The following PIP5K1C variants were observed in gnomAD, a reference collection of about 807,000 sequenced individuals.
PIP5K1C encodes phosphatidylinositol 4-phosphate 5-kinase type-1 gamma.
Under a neutral mutation model 80.1 loss-of-function variants are expected in PIP5K1C, and 45 were observed. The ratio of observed to expected loss-of-function variants is 0.56; its 90% CI spans 0.44 to 0.72. The LOEUF (loss-of-function observed/expected upper bound fraction) is 0.72. Ranked by LOEUF, PIP5K1C falls within the 30% of genes least tolerant of loss-of-function variation. PIP5K1C has a pLI of 0.00. For synonymous variants in PIP5K1C, 498 were observed against 420.1 expected, an observed-to-expected ratio of 1.19 and a Z score of -2.27; for missense variants, 753 against 954.6, an observed-to-expected ratio of 0.79 and a Z score of 2.78.
Position 3,656,637 on chromosome 19 carries a change from C to T in PIP5K1C, c.469-80G>A, listed in dbSNP as rs200153106. On this transcript the variant is annotated intron_variant, in intron 5 of 17. Transcript: ENST00000335312. ...CACTGGCTTCCGGTCTGCCCAACAG[C>T]CCCAGGAACTGATGACGGGTCGCTG... 1.1e-4 allele frequency: 166 copies of T among 1,505,180 alleles called. No individual in the cohort carries two copies. In the East Asian group the frequency reaches 3.4e-3, roughly 31 times the overall value. The allele number at this position is 1,505,180 out of a possible 1,614,324, so 93.2% of individuals were successfully genotyped here.
chr19:3,649,056 C>T (rs971487042), intron 8 of PIP5K1C, among the ~76,000 whole-genome samples: 3 of 149,756 alleles, frequency 2.0e-5, no homozygotes, highest in South Asian at 2.1e-4. Context: ...AATTGTCACC[C>T]GGCACCATGC....
chr19:3,658,148 C>CTGCCCGAGG (rs1475549655), intron 5 of PIP5K1C, among the ~76,000 whole-genome samples: 1 of 152,256 alleles, frequency 6.6e-6, no homozygotes, highest in Non-Finnish European at 1.5e-5. Context: ...CCGCCCTGCA[C>CTGCCCGAGG]TGCCCGAGGT....
chr19:3,633,152 G>C lies in PIP5K1C; in HGVS notation c.*15C>G. On this transcript the variant is annotated 3_prime_UTR_variant, in exon 18 of 18. Transcript: ENST00000335312. ...AGAAGTGGAGCTCGGCTCTGGGTCGGGGGCTGCATAGAAATTACTGCAAGA... is the reference window on the plus strand; with the variant it reads ...AGAAGTGGAGCTCGGCTCTGGGTCGCGGGCTGCATAGAAATTACTGCAAGA... The C allele has an allele frequency of 1.3e-6, 1 of 765,360 alleles. No individual in the cohort carries two copies. Among genetic ancestry groups the C allele is most frequent in the Admixed American group, 1.8e-5 (1 of 56,678 alleles). The allele number at this position is 765,360 out of a possible 1,614,324, so 47.4% of individuals were successfully genotyped here.
At chr19:3,682,190 A>G (rs1457173583) in intron 1 of PIP5K1C, among the ~76,000 whole-genome samples, 1 of 151,908 alleles carries the variant, frequency 6.6e-6, no homozygotes, top group Non-Finnish European at 1.5e-5. Context: ...TCTGGCCAAC[A>G]TGGTGAGGCC....
intron 1 of PIP5K1C, among the ~76,000 whole-genome samples, chr19:3,693,530 C>T (rs955338316): frequency 2.0e-5 from 3 of 152,168 alleles, no homozygotes; most frequent in African/African-American, 4.8e-5. Flanking sequence ...GGGTCTTGAC[C>T]GGCCTGGTCC....
chr19:3,654,412 G>A (rs865966253), intron 6 of PIP5K1C, among the ~76,000 whole-genome samples: 4 of 152,228 alleles, frequency 2.6e-5, no homozygotes, highest in Admixed American at 1.3e-4. Flanking sequence ...TGAGGGGCGC[G>A]GACTCAGGCA....
At position 3,631,304 on chromosome 19, in the gene PIP5K1C, CTT is replaced by C. The variant is rs2033462364; in HGVS notation, c.*1861_*1862del. ...CTGGTGTGGCCTCTGGGGGTTGGGC[CTT>C]TGAGATGACAATGCCCCTGTCCCTG... On this transcript the variant is annotated 3_prime_UTR_variant, in exon 18 of 18. Transcript: ENST00000335312. 2.6e-5 allele frequency: 4 copies of C among 152,336 alleles called. No individual in the cohort carries two copies. Among genetic ancestry groups the C allele is most frequent in the Non-Finnish European group, 5.9e-5 (4 of 68,138 alleles). 9.4% of individuals were successfully genotyped at this position (152,336 alleles called of 1,614,324 possible). A position where few individuals can be genotyped will look rare whatever the true frequency, so the allele number is the denominator to read the frequency against.
At chr19:3,697,534 A>C (rs2145632873) in intron 1 of PIP5K1C, among the ~76,000 whole-genome samples, 2 of 152,280 alleles carry the variant, frequency 1.3e-5, no homozygotes, top group South Asian at 4.1e-4. Context: ...GGGAGGACCA[A>C]GCTGGACCCG....
At chr19:3,636,628 C>T in intron 16 of PIP5K1C, 1 of 985,746 alleles carries the variant, frequency 1.0e-6, no homozygotes, top group African/African-American at 1.7e-5. Flanking sequence ...CGGTGGCTGG[C>T]TTCCCGCTGG....
intron 7 of PIP5K1C, among the ~76,000 whole-genome samples, 200 bp downstream of exon 7, chr19:3,653,090 A>G (rs1286778871): frequency 2.0e-5 from 3 of 152,218 alleles, no homozygotes; most frequent in Non-Finnish European, 4.4e-5. Context: ...GGCGTGAGCC[A>G]CTGTGTCCGG....
At chr19:3,658,910 C>T (rs910917717) in intron 5 of PIP5K1C, among the ~76,000 whole-genome samples, 1 of 152,212 alleles carries the variant, frequency 6.6e-6, no homozygotes, top group Non-Finnish European at 1.5e-5. Context: ...GACAACCCCC[C>T]ACAGCCTCCT....
chr19:3,657,024 C>G (rs2034656898), intron 5 of PIP5K1C, among the ~76,000 whole-genome samples: 1 of 152,194 alleles, frequency 6.6e-6, no homozygotes, highest in African/African-American at 2.4e-5. Flanking sequence ...CCACCTATTT[C>G]CCTCCTGAGA....
At chr19:3,663,883 GACAA>G (rs1407372398) in intron 3 of PIP5K1C, among the ~76,000 whole-genome samples, 101 of 152,308 alleles carry the variant, frequency 6.6e-4, no homozygotes, top group African/African-American at 2.4e-3. Flanking sequence ...GTCTGCCCGA[GACAA>G]ACGAACACAT....
chr19:3,667,709 A>C (rs1224485253), intron 1 of PIP5K1C, among the ~76,000 whole-genome samples: 1 of 152,050 alleles, frequency 6.6e-6, no homozygotes, highest in Admixed American at 6.5e-5. Context: ...GGAAATAGGG[A>C]GCAAACCTCC....
intron 1 of PIP5K1C, among the ~76,000 whole-genome samples, chr19:3,681,232 C>CTTTT (rs532928248): frequency 7.1e-6 from 1 of 139,948 alleles, no homozygotes; most frequent in Non-Finnish European, 1.6e-5. Context: ...ACCCTGTCCA[C>CTTTT]TTTTTTTTTT....
chr19:3,682,854 T>C (rs1296375756), intron 1 of PIP5K1C, among the ~76,000 whole-genome samples: 1 of 152,140 alleles, frequency 6.6e-6, no homozygotes, highest in Non-Finnish European at 1.5e-5. Context: ...CCCAGACTCC[T>C]GACTCAGAAA....
chr19:3,641,909 G>T, intron 14 of PIP5K1C, 100 bp from the exon 15 acceptor site: 2 of 911,274 alleles, frequency 2.2e-6, no homozygotes, highest in Non-Finnish European at 3.5e-6. Flanking sequence ...CCAGAGGGGA[G>T]TTGGGAGCCT....
chr19:3,677,139 G>T (rs768995611), intron 1 of PIP5K1C, among the ~76,000 whole-genome samples: 23 of 151,968 alleles, frequency 1.5e-4, no homozygotes, highest in Non-Finnish European at 2.8e-4. Flanking sequence ...TAAAATGAAA[G>T]AAGTATAAAG....
intron 1 of PIP5K1C, among the ~76,000 whole-genome samples, chr19:3,679,350 C>T (rs1370697245): frequency 6.6e-6 from 1 of 152,182 alleles, no homozygotes; most frequent in East Asian, 1.9e-4. Context: ...GCGCGTGCTG[C>T]GCCTGTGTCC....
Sources: allele counts gnomAD v4.1 joint callset (sites outside exome capture counted in the v4.1 genomes callset), GRCh38; gene constraint gnomAD v4.1.1; transcripts MANE v1.5; gene names NCBI Gene and HGNC (gene_info 2026-07-23, HGNC 2026-07-21).